The following MACROD2 variants were observed in gnomAD, a reference collection of about 807,000 sequenced individuals.
MACROD2 encodes the protein mono-ADP ribosylhydrolase 2, also known as ADP-ribose glycohydrolase MACROD2.
Under a neutral mutation model 70.4 loss-of-function variants are expected in MACROD2, and 36 were observed. The ratio of observed to expected loss-of-function variants is 0.51; its 90% CI spans 0.39 to 0.68. MACROD2 has a LOEUF of 0.68. MACROD2 is among the 30% of genes least tolerant of loss of function. MACROD2 has a pLI of 0.00. For synonymous variants in MACROD2, 172 were observed against 178.8 expected (o/e 0.96, Z 0.30); for missense variants, 496 against 538.4 (o/e 0.92, Z 0.78).
intron 10 of MACROD2, among the ~76,000 whole-genome samples, chr20:15,905,202 G>A (rs1464908735): frequency 2.0e-5 from 3 of 152,080 alleles, no homozygotes; most frequent in East Asian, 3.9e-4. Context: ...GGCCAAGTGG[G>A]CCTCTGAGAA....
intron 15 of MACROD2, among the ~76,000 whole-genome samples, chr20:16,014,752 A>AGGGCAAGTATTCCTTT (rs1258836189): frequency 3.3e-5 from 5 of 152,186 alleles, no homozygotes; most frequent in Non-Finnish European, 7.3e-5. Flanking sequence ...GGTTCCTGTC[A>AGGGCAAGTATTCCTTT]GGGCAAGTAT....
At chr20:16,023,731 G>A (rs1276099495) in intron 15 of MACROD2, among the ~76,000 whole-genome samples, 1 of 152,106 alleles carries the variant, frequency 6.6e-6, no homozygotes, top group African/African-American at 2.4e-5. Context: ...CCTCAGAATT[G>A]TACAGTCATG....
chr20:14,077,894 C>CTTTTTTTTTTT (rs58677755), intron 2 of MACROD2, among the ~76,000 whole-genome samples: 5 of 120,504 alleles, frequency 4.1e-5, no homozygotes, highest in Admixed American at 8.5e-5. Context: ...AAAGGTTTTT[C>CTTTTTTTTTTT]TTTTTTTTTT....
At chr20:15,181,609 A>G (rs890816493) in intron 5 of MACROD2, among the ~76,000 whole-genome samples, 1 of 152,152 alleles carries the variant, frequency 6.6e-6, no homozygotes, top group Admixed American at 6.5e-5. Context: ...TGCTAATTCT[A>G]AGACCGGCCC....
chr20:15,987,087 A>G lies in MACROD2; in HGVS notation c.1082A>G (p.Asp361Gly). The G allele has an allele frequency of 6.2e-7, 1 of 1,610,042 alleles. No individual in the cohort carries two copies. Among genetic ancestry groups the G allele is most frequent in the South Asian group, 1.1e-5 (1 of 89,940 alleles). The change falls in exon 15 of 18, where the codon GAT (aspartate) becomes GGT (glycine). Residue 361 changes from aspartate to glycine, a missense_variant. Coordinates refer to ENST00000684519, the MANE Select transcript of MACROD2 (RefSeq NM_001351661.2). ...ETEELSSNQE[D>G]AVIVEQPEVI... ...TTAGAACTTTCATCAAACCAAGAAG[A>G]TGCCGTGATTGTGGAGCAACCAGAA...
chr20:14,836,136 A>G (rs895766851), intron 5 of MACROD2, among the ~76,000 whole-genome samples: 11 of 152,048 alleles, frequency 7.2e-5, no homozygotes, highest in African/African-American at 2.7e-4. Flanking sequence ...ATAAACACAC[A>G]CAAAAAGTGA....
In MACROD2 at chr20:15,927,563, T is replaced by C. The variant is rs903404751; in HGVS notation, c.776-5713T>C. On this transcript the variant is annotated intron_variant, in intron 10 of 17. Transcript: ENST00000684519. ...GTCGAATACGACGGTATGACGTTCA[T>C]GGTTATGTGTGTGAGGTGTGTGAGC... Among the ~76,000 whole-genome samples, 3 of 152,054 alleles carry C rather than the reference T, an allele frequency of 2.0e-5. No individual in the cohort carries two copies. The East Asian group carries it at 5.8e-4, about 29-fold the overall frequency.
intron 12 of MACROD2, among the ~76,000 whole-genome samples, chr20:15,959,616 G>A (rs1413227543): frequency 6.6e-6 from 1 of 152,132 alleles, no homozygotes; most frequent in African/African-American, 2.4e-5. Context: ...CGCAACCTCC[G>A]CCTCCTGGGT....
At chr20:14,566,001 C>A (rs1979776248) in intron 4 of MACROD2, among the ~76,000 whole-genome samples, 1 of 151,920 alleles carries the variant, frequency 6.6e-6, no homozygotes, top group Non-Finnish European at 1.5e-5. Flanking sequence ...TCCTTTCACT[C>A]AAAGTTAAAA....
chr20:13,999,630 G>C (rs1352023879), intron 1 of MACROD2, among the ~76,000 whole-genome samples: 1 of 152,116 alleles, frequency 6.6e-6, no homozygotes, highest in African/African-American at 2.4e-5. Flanking sequence ...TAAGTTATTT[G>C]ACGTTGTTTA....
intron 8 of MACROD2, among the ~76,000 whole-genome samples, chr20:15,584,116 T>C (rs1024956265): frequency 2.0e-5 from 3 of 152,256 alleles, no homozygotes; most frequent in African/African-American, 7.2e-5. Flanking sequence ...ATAGAAGTAT[T>C]CCTCTAAGTG....
chr20:14,032,993 A>G (rs1249379365), intron 2 of MACROD2, among the ~76,000 whole-genome samples: 3 of 152,056 alleles, frequency 2.0e-5, no homozygotes, highest in East Asian at 1.9e-4. Flanking sequence ...ACCTGTTTTA[A>G]AAAACTGTCT....
At chr20:15,214,612 T>C (rs1041501609) in intron 5 of MACROD2, among the ~76,000 whole-genome samples, 4 of 152,236 alleles carry the variant, frequency 2.6e-5, no homozygotes, top group Non-Finnish European at 4.4e-5. Context: ...TTTAATCTTG[T>C]GAAAACTTTC....
chr20:15,617,592 A>G (rs1208060549), intron 8 of MACROD2, among the ~76,000 whole-genome samples: 1 of 152,230 alleles, frequency 6.6e-6, no homozygotes, highest in African/African-American at 2.4e-5. Context: ...GGAAAATGCA[A>G]AGTATACACA....
chr20:14,344,724 G>A (rs1269272154), intron 3 of MACROD2, among the ~76,000 whole-genome samples: 2 of 152,108 alleles, frequency 1.3e-5, no homozygotes, highest in African/African-American at 4.8e-5. Flanking sequence ...TATGTTCAAA[G>A]TTGTTTTAAA....
At chr20:14,710,148 A>C (rs1312812207) in intron 5 of MACROD2, among the ~76,000 whole-genome samples, 1 of 152,172 alleles carries the variant, frequency 6.6e-6, no homozygotes, top group East Asian at 1.9e-4. Flanking sequence ...ACTACCTTGA[A>C]TACCCCTGAG....
intron 2 of MACROD2, among the ~76,000 whole-genome samples, chr20:14,022,648 C>A: frequency 6.6e-6 from 1 of 151,908 alleles, no homozygotes; most frequent in South Asian, 2.1e-4. Flanking sequence ...CCTGTGTCCA[C>A]GTGTTCTCAT....
At chr20:14,205,505 C>T (rs1884933459) in intron 3 of MACROD2, among the ~76,000 whole-genome samples, 1 of 152,202 alleles carries the variant, frequency 6.6e-6, no homozygotes, top group Non-Finnish European at 1.5e-5. Flanking sequence ...GTGCAAATTC[C>T]TGGTGGCTCC....
At chr20:14,287,396 A>T (rs1257254541) in intron 3 of MACROD2, among the ~76,000 whole-genome samples, 1 of 151,136 alleles carries the variant, frequency 6.6e-6, no homozygotes, top group Admixed American at 6.6e-5. Context: ...GATGATGATG[A>T]TGATGATGAT....
Sources: gnomAD v4.1 joint callset for allele counts (sites outside exome capture counted in the v4.1 genomes callset) on GRCh38, gnomAD v4.1.1 for gene constraint, MANE v1.5 for transcripts, NCBI Gene and HGNC (gene_info 2026-07-23, HGNC 2026-07-21) for gene names.